PPFIA1: variants seen among roughly 807,000 people sequenced by gnomAD.
PPFIA1 encodes the protein liprin-alpha-1.
In PPFIA1, 25 loss-of-function variants were observed where a neutral mutation model predicts 149.9. That is an observed-to-expected ratio of 0.17 (90% CI 0.12 to 0.23). PPFIA1 has a LOEUF of 0.23. PPFIA1 is among the 10% of genes least tolerant of loss of function. The pLI is 1.00. For missense variants in PPFIA1, 1,362 were observed against 1,506.5 expected (o/e 0.90, Z 1.59); for synonymous variants, 549 against 552.8 (o/e 0.99, Z 0.10).
chr11:70,339,753 G>A lies in PPFIA1; in HGVS notation c.1707+447G>A, dbSNP rs373752663. Among the ~76,000 whole-genome samples, 22 of 151,862 alleles carry A rather than the reference G, an allele frequency of 1.4e-4. No individual in the cohort carries two copies. The East Asian group carries it at 2.9e-3, about 20-fold the overall frequency. ...AGTAGGCCAGGTGCAGGTAGCTCAC[G>A]CCTATAATCCCAGAACTTTGGGAGG... On this transcript the variant is annotated intron_variant, in intron 14 of 27. Transcript: ENST00000253925.
chr11:70,340,484 T>C (rs1166937320), intron 14 of PPFIA1, among the ~76,000 whole-genome samples: 1 of 152,254 alleles, frequency 6.6e-6, no homozygotes, highest in Non-Finnish European at 1.5e-5. Flanking sequence ...ATTCGTCATT[T>C]AGTGAAAAGA....
intron 18 of PPFIA1, 83 bp downstream of exon 18, chr11:70,355,894 G>A (rs748599313): frequency 7.3e-6 from 11 of 1,505,250 alleles, no homozygotes; most frequent in Non-Finnish European, 9.9e-6. Flanking sequence ...TTCCCACGCG[G>A]TGCTCCAGGA....
Position 70,347,778 on chromosome 11 carries a change from C to T in PPFIA1, c.1932-411C>T, listed in dbSNP as rs190385166. Among the ~76,000 whole-genome samples the T allele has an allele frequency of 8.1e-4, 123 of 151,902 alleles. 1 individual carries two copies. Among genetic ancestry groups the T allele is most frequent in the African/African-American group, 2.9e-3 (119 of 41,412 alleles). The stretch of plus-strand genomic sequence containing the variant: ...CACTACTTTGGGAGGCCGAGGCAGG[C>T]GGATCACGAGGTTGGAAGTTCGAGA... On this transcript the variant is annotated intron_variant, in intron 15 of 27. Coordinates refer to ENST00000253925, the MANE Select transcript of PPFIA1 (RefSeq NM_003626.5).
chr11:70,307,315 A>G (rs944353232), intron 2 of PPFIA1, among the ~76,000 whole-genome samples: 1 of 152,268 alleles, frequency 6.6e-6, no homozygotes, highest in African/African-American at 2.4e-5. Flanking sequence ...AAGCAGGAAC[A>G]TAAACCTCAT....
Position 70,324,915 on chromosome 11 carries a change from G to T in PPFIA1, c.435G>T (p.Lys145Asn). The change falls in exon 4 of 28, where the codon AAG becomes AAT. Residue 145 changes from lysine to asparagine, a missense_variant. By Grantham distance (94) the Lys-to-Asn change is moderately conservative. Around this residue, in one of 7 missense-constraint regions of PPFIA1, gnomAD observed 79 missense variants for 146.2 expected, o/e 0.54. Coordinates refer to ENST00000253925, the MANE Select transcript of PPFIA1 (RefSeq NM_003626.5). ...HERSLRMTVV[K>N]RQAQSPAGVS... Reference sequence around the variant, plus strand: ...GGTCTCTTAGGATGACCGTGGTGAAGAGACAAGCGCAGTCTCCAGCAGGCG... The same window carrying T: ...GGTCTCTTAGGATGACCGTGGTGAATAGACAAGCGCAGTCTCCAGCAGGCG... 1 of 1,613,942 alleles carries T rather than the reference G, an allele frequency of 6.2e-7. No individual in the cohort carries two copies. The highest frequency in any genetic ancestry group is 1.1e-5 in the South Asian group (1 of 91,068).
At chr11:70,280,822 C>T (rs975845255) in intron 2 of PPFIA1, among the ~76,000 whole-genome samples, 1 of 152,188 alleles carries the variant, frequency 6.6e-6, no homozygotes, top group Admixed American at 6.6e-5. Flanking sequence ...CCTACCTTGA[C>T]ATGTCAAAGC....
At chr11:70,308,295 A>T (rs1294301020) in intron 2 of PPFIA1, among the ~76,000 whole-genome samples, 3 of 152,140 alleles carry the variant, frequency 2.0e-5, no homozygotes, top group Non-Finnish European at 4.4e-5. Flanking sequence ...TGATCTGCCT[A>T]CCTTAGCCTC....
chr11:70,333,055 A>G (rs558750678), intron 9 of PPFIA1: 79 of 458,056 alleles, frequency 1.7e-4, no homozygotes, highest in Non-Finnish European at 2.8e-4. Flanking sequence ...CTCTGCTGCT[A>G]AGGAAGCTAA....
chr11:70,311,389 C>A (rs1346608307), intron 2 of PPFIA1, among the ~76,000 whole-genome samples: 1 of 152,044 alleles, frequency 6.6e-6, no homozygotes, highest in African/African-American at 2.4e-5. Flanking sequence ...GTGATGAGGG[C>A]GTGTGTGATC....
At chr11:70,292,007 T>G (rs2051564172) in intron 2 of PPFIA1, among the ~76,000 whole-genome samples, 1 of 151,856 alleles carries the variant, frequency 6.6e-6, no homozygotes, top group Non-Finnish European at 1.5e-5. Context: ...CTGGCTAATT[T>G]TTTGTATTTT....
chr11:70,287,512 G>A lies in PPFIA1; in HGVS notation c.264+15076G>A, dbSNP rs182140901. Reference sequence around the variant, plus strand: ...CTTCAGCTAAGTTTTTTTTTTTTTAGTAGATACAGGAGTCTTTATGTTACC... The same window carrying A: ...CTTCAGCTAAGTTTTTTTTTTTTTAATAGATACAGGAGTCTTTATGTTACC... On this transcript the variant is annotated intron_variant, in intron 2 of 27. Coordinates refer to ENST00000253925, the MANE Select transcript of PPFIA1 (RefSeq NM_003626.5). Among the ~76,000 whole-genome samples, 223 of 148,500 alleles carry A rather than the reference G, an allele frequency of 1.5e-3. 2 individuals carry two copies. The Middle Eastern group carries it at 0.018, about 12-fold the overall frequency.
At chr11:70,367,685 T>C (rs1214815239) in intron 21 of PPFIA1, 1 of 452,294 alleles carries the variant, frequency 2.2e-6, no homozygotes, top group Non-Finnish European at 4.4e-6. Context: ...TATAGGCCAC[T>C]TCAGGAGTCT....
In PPFIA1 at chr11:70,372,233, A is replaced by G. The variant is rs2057300730; in HGVS notation, c.2884A>G (p.Met962Val). ...TSRTTLAYGD[M>V]NHEWIGNEWL... ...AAAGCAGACACTCGCCTATGGGGACATGAACCACGAGTGGATCGGCAACGA... is the reference window on the plus strand; with the variant it reads ...AAAGCAGACACTCGCCTATGGGGACGTGAACCACGAGTGGATCGGCAACGA... Residue 962 changes from methionine to valine, a missense_variant, in exon 22 of 28, where the codon ATG becomes GTG. Physicochemically the swap from Met to Val is conservative, Grantham distance 21 (BLOSUM62 1). Around this residue, in one of 7 missense-constraint regions of PPFIA1, gnomAD observed 349 missense variants for 373.3 expected, o/e 0.93. Coordinates refer to ENST00000253925, the MANE Select transcript of PPFIA1 (RefSeq NM_003626.5). The G allele has an allele frequency of 1.2e-5, 20 of 1,613,968 alleles. No individual in the cohort carries two copies. Among genetic ancestry groups the G allele is most frequent in the East Asian group, 1.1e-4 (5 of 44,884 alleles).
intron 2 of PPFIA1, among the ~76,000 whole-genome samples, chr11:70,295,502 G>C (rs1276236156): frequency 2.9e-4 from 35 of 121,526 alleles, no homozygotes; most frequent in African/African-American, 9.9e-4. Context: ...CTGGCCGGGT[G>C]GGGGGGCTGA....
chr11:70,297,532 C>T (rs1462768536), intron 2 of PPFIA1, among the ~76,000 whole-genome samples: 5 of 152,168 alleles, frequency 3.3e-5, no homozygotes, highest in Non-Finnish European at 7.3e-5. Context: ...AGGGTGCATT[C>T]ATGTGTGAGA....
chr11:70,279,179 C>T (rs2050591313), intron 2 of PPFIA1: 1 of 448,374 alleles, frequency 2.2e-6, no homozygotes, highest in Non-Finnish European at 4.2e-6. Context: ...GACTGATTGT[C>T]CTAGATTTCA....
At chr11:70,294,881 A>C (rs894323586) in intron 2 of PPFIA1, among the ~76,000 whole-genome samples, 1 of 151,606 alleles carries the variant, frequency 6.6e-6, no homozygotes, top group African/African-American at 2.4e-5. Flanking sequence ...GTAAGGTCAC[A>C]GATCAACAGG....
intron 24 of PPFIA1, among the ~76,000 whole-genome samples, chr11:70,376,037 G>A (rs2057476081): frequency 6.6e-6 from 1 of 152,136 alleles, no homozygotes; most frequent in Non-Finnish European, 1.5e-5. Flanking sequence ...TGCCCAGGCT[G>A]GAGTGCAATG....
At chr11:70,365,166 A>G (rs1433101897) in intron 21 of PPFIA1, 1 of 222,008 alleles carries the variant, frequency 4.5e-6, no homozygotes, top group Non-Finnish European at 9.3e-6. Flanking sequence ...AGCTCTCGTC[A>G]TCGTGTGCTC....
Sources: allele counts gnomAD v4.1 joint callset (sites outside exome capture counted in the v4.1 genomes callset), GRCh38; gene constraint gnomAD v4.1.1; regional missense constraint gnomAD v4.1.1; transcripts MANE v1.5; gene names NCBI Gene and HGNC (gene_info 2026-07-23, HGNC 2026-07-21).